UNK: variants seen among roughly 807,000 people sequenced by gnomAD.
The protein encoded by UNK is RING finger protein unkempt homolog.
UNK carries 32 observed loss-of-function variants against 97.6 expected under a neutral mutation model. The observed-to-expected ratio is 0.33, with a 90% CI of 0.25 to 0.44. UNK has a LOEUF of 0.44. UNK is among the 20% of genes least tolerant of loss of function. The pLI is 1.00. For missense variants in UNK, 771 were observed against 1,098.4 expected (o/e 0.70, Z 4.21); for synonymous variants, 441 against 461.2 (o/e 0.96, Z 0.56).
chr17:75,813,266 G>T, intron 5 of UNK, 53 bp downstream of exon 5: 1 of 1,533,546 alleles, frequency 6.5e-7, no homozygotes. Flanking sequence ...CAGGGAAGGG[G>T]TCAGGCAGAG....
intron 13 of UNK, among the ~76,000 whole-genome samples, chr17:75,820,405 G>C (rs2062056459): frequency 6.6e-6 from 1 of 152,230 alleles, no homozygotes; most frequent in African/African-American, 2.4e-5. Flanking sequence ...GTGCAGGTGA[G>C]AGCAGGGGTC....
At chr17:75,805,810 ATGTGTGTG>A (rs61000364) in intron 1 of UNK, among the ~76,000 whole-genome samples, 27,644 of 145,282 alleles carry the variant, frequency 0.19, 2,748 homozygotes, top group African/African-American at 0.26. Context: ...AAAAAGAAAA[ATGTGTGTG>A]TGTGTGTGTG....
chr17:75,811,019 G>T (rs1488667060), intron 2 of UNK, among the ~76,000 whole-genome samples: 1 of 151,024 alleles, frequency 6.6e-6, no homozygotes, highest in African/African-American at 2.4e-5. Context: ...GCACTTCCAT[G>T]TCGGCTCACT....
chr17:75,805,399 G>GAA (rs75234473), intron 1 of UNK, among the ~76,000 whole-genome samples: 57 of 104,894 alleles, frequency 5.4e-4, no homozygotes, highest in South Asian at 1.2e-3. Context: ...TCTCAAAAAG[G>GAA]AAAAAAAAAA....
At chr17:75,821,490 G>T (rs1278477055) in intron 13 of UNK, 3 of 438,510 alleles carry the variant, frequency 6.8e-6, no homozygotes, top group South Asian at 4.9e-5. Flanking sequence ...CTGGTCTCAT[G>T]TGGGTGGGGT....
intron 1 of UNK, chr17:75,792,443 G>A: frequency 1.0e-6 from 1 of 985,324 alleles, no homozygotes; most frequent in Non-Finnish European, 1.2e-6. Flanking sequence ...ATGAATTTGG[G>A]TCACACTAAT....
At chr17:75,803,045 G>A (rs1004986782) in intron 1 of UNK, among the ~76,000 whole-genome samples, 1 of 90,582 alleles carries the variant, frequency 1.1e-5, no homozygotes, top group African/African-American at 1.4e-4. Flanking sequence ...GGCGGATCAC[G>A]AGGTCAGGAG....
At chr17:75,791,520 C>T (rs543269318) in intron 1 of UNK, among the ~76,000 whole-genome samples, 5 of 152,224 alleles carry the variant, frequency 3.3e-5, no homozygotes, top group African/African-American at 1.2e-4. Context: ...GAACGAGCTA[C>T]ATTACCAATA....
intron 1 of UNK, among the ~76,000 whole-genome samples, chr17:75,794,772 CTT>C (rs2061791361): frequency 6.6e-6 from 1 of 152,140 alleles, no homozygotes; most frequent in Non-Finnish European, 1.5e-5. Flanking sequence ...TGACTTACCT[CTT>C]TGTGTATCAG....
rs778193930 is a variant in UNK at position 75,816,830 on chromosome 17, G to T, written c.1022G>T (p.Gly341Val). 10 of 1,607,258 alleles carry T rather than the reference G, an allele frequency of 6.2e-6. No homozygotes were observed. The Admixed American group carries it at 1.7e-4, about 27-fold the overall frequency. ...SSAVSSPTQP[G>V]PVLYMPSAAG... ...GCTGTGTCCAGCCCCACCCAGCCAG[G>T]TCCTGTCCTGTACATGCCATCTGCC... The change falls in exon 8 of 16, where the codon GGT becomes GTT. Residue 341 changes from glycine to valine, a missense_variant. By Grantham distance (109) the Gly-to-Val change is moderately radical (BLOSUM62 -3). Transcript: ENST00000589666. The surrounding 1 kb of genome is among the most constrained non-coding windows in gnomAD (Gnocchi z 4.0).
chr17:75,823,320 C>G lies in UNK; in HGVS notation c.2075C>G (p.Ala692Gly). ...AEEAGERASA[A>G]GAECELAREQ... Reference sequence around the variant, plus strand: ...GAGGCTGGTGAGCGGGCCAGTGCGGCGGGCGCCGAGTGCGAGCTGGCCCGG... The same window carrying G: ...GAGGCTGGTGAGCGGGCCAGTGCGGGGGGCGCCGAGTGCGAGCTGGCCCGG... The change falls in exon 15 of 16, where the codon GCG becomes GGG. Residue 692 changes from alanine to glycine, a missense_variant. By Grantham distance (60) the Ala-to-Gly change is moderately conservative (BLOSUM62 0). Around this residue, in one of 5 missense-constraint regions of UNK, gnomAD observed 208 missense variants for 257.4 expected, o/e 0.81. Transcript: ENST00000589666. The G allele has an allele frequency of 6.2e-7, 1 of 1,610,508 alleles. No individual in the cohort carries two copies. Among genetic ancestry groups the G allele is most frequent in the Non-Finnish European group, 8.5e-7 (1 of 1,178,510 alleles).
intron 1 of UNK, 65 bp downstream of exon 1, chr17:75,785,049 C>A: frequency 8.2e-7 from 1 of 1,222,390 alleles, no homozygotes; most frequent in Non-Finnish European, 1.1e-6. Flanking sequence ...GCGTGAGTCA[C>A]GCGCGCAGGG....
In UNK at chr17:75,820,078, T is replaced by C. The variant is rs760683640; in HGVS notation, c.1807T>C (p.Leu603=). 1 of 1,613,280 alleles carries C rather than the reference T, an allele frequency of 6.2e-7. No homozygotes were observed. Among genetic ancestry groups the C allele is most frequent in the Non-Finnish European group, 8.5e-7 (1 of 1,179,532 alleles). ...CCTGAGTCAGTCGGAAAACACATTTTTGGGAACCTCAGCATCACATGGATC... is the reference window on the plus strand; with the variant it reads ...CCTGAGTCAGTCGGAAAACACATTTCTGGGAACCTCAGCATCACATGGATC... ...GHLSQSENTF[L]GTSASHGSLG... Residue 603 remains leucine, a synonymous_variant, in exon 13 of 16, where the codon TTG becomes CTG. Coordinates refer to ENST00000589666, the MANE Select transcript of UNK (RefSeq NM_001080419.3).
At chr17:75,800,513 C>A (rs8066939) in intron 1 of UNK, among the ~76,000 whole-genome samples, 1 of 151,290 alleles carries the variant, frequency 6.6e-6, no homozygotes, top group Admixed American at 6.6e-5. Flanking sequence ...CCGAGGCGGG[C>A]GGATCATGAG....
At chr17:75,792,586 G>A (rs1567793940) in intron 1 of UNK, 1 of 686,808 alleles carries the variant, frequency 1.5e-6, no homozygotes, top group Non-Finnish European at 1.8e-6. Flanking sequence ...GTAGCTTCTT[G>A]TTTTCTTACC....
rs530655782 is a variant in UNK, at chr17:75,786,685, G to A, written c.104+1701G>A. 1.1e-3 allele frequency among the ~76,000 whole-genome samples: 160 copies of A among 152,196 alleles called. 2 individuals are homozygous for A. In the South Asian group the frequency reaches 0.013, roughly 13 times the overall value. Reference sequence around the variant, plus strand: ...AGCCTGCCCAATATGGCAAAACCCCGTCTCTACTAAAAATACAAAAAATTA... The same window carrying A: ...AGCCTGCCCAATATGGCAAAACCCCATCTCTACTAAAAATACAAAAAATTA... On this transcript the variant is annotated intron_variant, in intron 1 of 15. Transcript: ENST00000589666.
intron 1 of UNK, among the ~76,000 whole-genome samples, chr17:75,803,649 T>C (rs2061884272): frequency 1.3e-5 from 2 of 152,234 alleles, no homozygotes; most frequent in South Asian, 4.1e-4. Context: ...TCATGTGTTA[T>C]TGAACTCTTA....
rs759385856 is a variant in UNK at position 75,784,915 on chromosome 17, C to G, written c.35C>G (p.Ala12Gly). 8 of 1,566,676 alleles carry G rather than the reference C, an allele frequency of 5.1e-6. No individual in the cohort carries two copies. The highest frequency in any genetic ancestry group is 5.2e-6 in the Non-Finnish European group (6 of 1,159,760). ...GGCCCCGGGCCCGGCGGCTCCGCAG[C>G]TTCCTCGGCGCCCCCGGCCGCTACC... is the stretch of plus-strand genomic sequence containing the variant. ...SKGPGPGGSA[A>G]SSAPPAATAQ... Residue 12 changes from alanine (A) to glycine (G), a missense_variant, in exon 1 of 16, where the codon GCT (alanine) becomes GGT (glycine). Coordinates refer to ENST00000589666, the MANE Select transcript of UNK (RefSeq NM_001080419.3).
chr17:75,793,878 A>G (rs2061783174), intron 1 of UNK: 1 of 985,330 alleles, frequency 1.0e-6, no homozygotes, highest in South Asian at 4.7e-5. Flanking sequence ...GAAGAGGTTG[A>G]TAAAAACCTT....
Sources: allele counts gnomAD v4.1 joint callset (sites outside exome capture counted in the v4.1 genomes callset), GRCh38; gene constraint gnomAD v4.1.1; regional missense constraint gnomAD v4.1.1; non-coding constraint Gnocchi (gnomAD v3.1); transcripts MANE v1.5; gene names NCBI Gene and HGNC (gene_info 2026-07-23, HGNC 2026-07-21).